Variants in ASTN2 observed in about 807,000 individuals in gnomAD.
ASTN2 encodes astrotactin 2.
A neutral mutation model predicts 139.8 loss-of-function variants in ASTN2; 54 were observed. The observed-to-expected ratio is 0.39, with a 90% CI of 0.31 to 0.48. ASTN2 has a LOEUF of 0.48. Ranked by LOEUF, ASTN2 falls within the 20% of genes least tolerant of loss-of-function variation. The pLI is 0.95. For synonymous variants in ASTN2, 756 were observed against 719.5 expected, an observed-to-expected ratio of 1.05 and a Z score of -0.81; for missense variants, 1,565 against 1,725.1, an observed-to-expected ratio of 0.91 and a Z score of 1.64.
In ASTN2 at chr9:116,972,985, T is replaced by G. The variant is rs561023841; in HGVS notation, c.1889+2223A>C. ...AACATACCATCTGACTGGAACTTAT[T>G]AATTCTCTAAATGCCCATGATATGC... On this transcript the variant is annotated intron_variant, in intron 10 of 22. Coordinates refer to ENST00000313400, the MANE Select transcript of ASTN2 (RefSeq NM_001365068.1). 5.9e-5 allele frequency among the ~76,000 whole-genome samples: 9 copies of G among 152,332 alleles called. No homozygotes were observed. The South Asian group carries it at 1.7e-3, about 28-fold the overall frequency.
chr9:116,604,092 T>C (rs1212983656), intron 19 of ASTN2, among the ~76,000 whole-genome samples: 1 of 152,182 alleles, frequency 6.6e-6, no homozygotes, highest in Non-Finnish European at 1.5e-5. Context: ...TGCTAAATTG[T>C]ACCACTCTCC....
At chr9:117,312,742 G>A (rs764773969) in intron 1 of ASTN2, among the ~76,000 whole-genome samples, 9 of 152,080 alleles carry the variant, frequency 5.9e-5, no homozygotes, top group African/African-American at 9.7e-5. Flanking sequence ...CTTCTGCTCC[G>A]TAACTTTGAA....
chr9:116,958,543 C>T lies in ASTN2; in HGVS notation c.1889+16665G>A, dbSNP rs141510755. Among the ~76,000 whole-genome samples, 1,513 of 152,074 alleles carry T rather than the reference C, an allele frequency of 9.9e-3. 28 individuals are homozygous for T. Among genetic ancestry groups the T allele is most frequent in the African/African-American group, 0.034 (1,417 of 41,472 alleles). On this transcript the variant is annotated intron_variant, in intron 10 of 22. Transcript: ENST00000313400. ...GGTGGAGCTTGCAGTGAGCCGAGAC[C>T]GCACCACTGCACTCCAGCCTGGGCG...
At chr9:117,205,810 C>T (rs188049082) in intron 3 of ASTN2, among the ~76,000 whole-genome samples, 56 of 152,258 alleles carry the variant, frequency 3.7e-4, no homozygotes, top group African/African-American at 1.3e-3. Flanking sequence ...ATCAGCCTCA[C>T]AAGGAATGAA....
intron 5 of ASTN2, among the ~76,000 whole-genome samples, chr9:117,065,643 G>A (rs1167224512): frequency 6.6e-6 from 1 of 152,186 alleles, no homozygotes; most frequent in Admixed American, 6.5e-5. Flanking sequence ...CCATACAGGT[G>A]TTGAGGAAAT....
rs189520147 is a variant in ASTN2, at chr9:116,484,068, T to C, written c.3497+3291A>G. Among the ~76,000 whole-genome samples, 6 of 152,334 alleles carry C rather than the reference T, an allele frequency of 3.9e-5. No homozygotes were observed. The East Asian group carries it at 1.2e-3, about 29-fold the overall frequency. On this transcript the variant is annotated intron_variant, in intron 20 of 22. Coordinates refer to ENST00000313400, the MANE Select transcript of ASTN2 (RefSeq NM_001365068.1). ...TCTCATTCCATTTCTCTCAAAAGGA[T>C]TCTGGATGGTCGTTCCTTCCAAAGA...
intron 13 of ASTN2, among the ~76,000 whole-genome samples, chr9:116,790,528 A>G (rs554776288): frequency 6.2e-4 from 95 of 152,102 alleles, no homozygotes; most frequent in African/African-American, 2.2e-3. Flanking sequence ...ACTCCCTCAC[A>G]TGCTAACTGT....
At chr9:116,977,927 G>T (rs897728111) in intron 7 of ASTN2, among the ~76,000 whole-genome samples, 1 of 151,924 alleles carries the variant, frequency 6.6e-6, no homozygotes, top group Non-Finnish European at 1.5e-5. Context: ...ATATTGACCA[G>T]GCTGGTCTCA....
At chr9:116,933,979 C>A in intron 10 of ASTN2, among the ~76,000 whole-genome samples, 1 of 86,908 alleles carries the variant, frequency 1.2e-5, no homozygotes, top group Non-Finnish European at 2.2e-5. Context: ...AGTGTTAGTC[C>A]TTTTTTTTTT....
intron 16 of ASTN2, among the ~76,000 whole-genome samples, chr9:116,687,792 T>A (rs1028347896): frequency 6.6e-6 from 1 of 151,616 alleles, no homozygotes; most frequent in African/African-American, 2.4e-5. Context: ...CGATGAGATT[T>A]GAGGAAATCT....
At chr9:117,016,747 A>T (rs1837718816) in intron 6 of ASTN2, among the ~76,000 whole-genome samples, 1 of 143,454 alleles carries the variant, frequency 7.0e-6, no homozygotes, top group South Asian at 2.2e-4. Context: ...GGTTATATAT[A>T]GGTTTTATAT....
intron 19 of ASTN2, among the ~76,000 whole-genome samples, chr9:116,580,972 CCTT>C (rs143973773): frequency 0.08 from 12,229 of 152,034 alleles, 512 homozygotes; most frequent in East Asian, 0.14. Context: ...CAAAAAAAAT[CCTT>C]CTAATTCTGG....
chr9:116,604,056 C>T lies in ASTN2; in HGVS notation c.3355+14268G>A, dbSNP rs985572030. Among the ~76,000 whole-genome samples, 5 of 152,128 alleles carry T rather than the reference C, an allele frequency of 3.3e-5. No individual in the cohort carries two copies. In the South Asian group the frequency reaches 1.0e-3, roughly 32 times the overall value. ...CTACAGCATCTGAGTTACCTCAGCA[C>T]CCACCATACTATCCCAGCAATTTCT... On this transcript the variant is annotated intron_variant, in intron 19 of 22. Coordinates refer to ENST00000313400, the MANE Select transcript of ASTN2 (RefSeq NM_001365068.1).
chr9:116,771,010 T>C (rs780545759), intron 13 of ASTN2, among the ~76,000 whole-genome samples: 1 of 152,198 alleles, frequency 6.6e-6, no homozygotes, highest in Non-Finnish European at 1.5e-5. Context: ...CCATTTACTG[T>C]CTTATGTATT....
At chr9:116,721,836 C>A (rs1828481525) in intron 16 of ASTN2, among the ~76,000 whole-genome samples, 1 of 152,156 alleles carries the variant, frequency 6.6e-6, no homozygotes, top group African/African-American at 2.4e-5. Context: ...CCCAGTGCCC[C>A]CTCTGGAATC....
chr9:116,993,417 A>G (rs1836915525), intron 7 of ASTN2, among the ~76,000 whole-genome samples: 2 of 151,902 alleles, frequency 1.3e-5, no homozygotes, highest in South Asian at 2.1e-4. Flanking sequence ...CAAATTTGCA[A>G]CCATTTCTGC....
intron 7 of ASTN2, among the ~76,000 whole-genome samples, chr9:116,980,492 T>G (rs1836482041): frequency 6.6e-6 from 1 of 152,158 alleles, no homozygotes; most frequent in Non-Finnish European, 1.5e-5. Flanking sequence ...CCTAACTCCT[T>G]ACATATTAGA....
chr9:117,030,620 G>T (rs1212819174), intron 6 of ASTN2, among the ~76,000 whole-genome samples: 1 of 152,090 alleles, frequency 6.6e-6, no homozygotes, highest in Non-Finnish European at 1.5e-5. Context: ...GCTTAGAATG[G>T]TTTTTCTGGG....
chr9:116,993,307 C>T (rs754390981), intron 7 of ASTN2, among the ~76,000 whole-genome samples: 10 of 152,128 alleles, frequency 6.6e-5, no homozygotes, highest in Non-Finnish European at 1.3e-4. Context: ...AGCCTTTGCA[C>T]AGCCTGTTCC....
Sources: gnomAD v4.1 joint callset for allele counts (sites outside exome capture counted in the v4.1 genomes callset) on GRCh38, gnomAD v4.1.1 for gene constraint, MANE v1.5 for transcripts, NCBI Gene and HGNC (gene_info 2026-07-23, HGNC 2026-07-21) for gene names.